WLS: variants seen among roughly 807,000 people sequenced by gnomAD.
WLS encodes the protein Wnt ligand secretion mediator.
Under a neutral mutation model 62.8 loss-of-function variants are expected in WLS, and 23 were observed. That is an observed-to-expected ratio of 0.37 (90% confidence interval 0.26 to 0.52). The LOEUF (loss-of-function observed/expected upper bound fraction) is 0.52. Ranked by LOEUF, WLS falls within the 20% of genes least tolerant of loss-of-function variation. The pLI is 0.92. For synonymous variants in WLS, 246 were observed against 244.1 expected, an observed-to-expected ratio of 1.01 and a Z score of -0.07; for missense variants, 615 against 697.3, an observed-to-expected ratio of 0.88 and a Z score of 1.33.
intron 2 of WLS, among the ~76,000 whole-genome samples, chr1:68,175,196 G>T (rs1447913744): frequency 6.6e-6 from 1 of 152,174 alleles, no homozygotes; most frequent in Non-Finnish European, 1.5e-5. Flanking sequence ...ATTTTTAAAA[G>T]AAATAAAACA....
intron 2 of WLS, among the ~76,000 whole-genome samples, chr1:68,163,710 G>A (rs1647020848): frequency 6.6e-6 from 1 of 151,798 alleles, no homozygotes; most frequent in East Asian, 1.9e-4. Flanking sequence ...ATGAAAATGG[G>A]CACAATTTTA....
At chr1:68,113,262 AAG>A (rs1289754845) in intron 11 of WLS, among the ~76,000 whole-genome samples, 4 of 152,202 alleles carry the variant, frequency 2.6e-5, no homozygotes, top group Non-Finnish European at 4.4e-5. Context: ...GAGTTTGAGA[AAG>A]AGATGCTTTG....
intron 10 of WLS, among the ~76,000 whole-genome samples, chr1:68,142,142 TC>T (rs1332154532): frequency 6.6e-6 from 1 of 152,234 alleles, no homozygotes; most frequent in Non-Finnish European, 1.5e-5. Flanking sequence ...CAAGGTTAAA[TC>T]CTGGCAACAT....
chr1:68,193,435 A>C (rs917798667), intron 2 of WLS, among the ~76,000 whole-genome samples: 57 of 136,440 alleles, frequency 4.2e-4, no homozygotes, highest in Admixed American at 8.9e-4. Context: ...AAAAAAAAAA[A>C]AAAAAAACGA....
At chr1:68,135,612 A>C (rs1249453740) in intron 11 of WLS, among the ~76,000 whole-genome samples, 1 of 152,170 alleles carries the variant, frequency 6.6e-6, no homozygotes, top group African/African-American at 2.4e-5. Flanking sequence ...GTACTTGATA[A>C]TTATTTCCCA....
chr1:68,226,452 T>C (rs1650145026), intron 1 of WLS, among the ~76,000 whole-genome samples: 1 of 152,216 alleles, frequency 6.6e-6, no homozygotes, highest in Non-Finnish European at 1.5e-5. Flanking sequence ...GCACATTCAA[T>C]ACATGTTAAA....
At chr1:68,206,498 A>T (rs945529852) in intron 1 of WLS, among the ~76,000 whole-genome samples, 2 of 152,202 alleles carry the variant, frequency 1.3e-5, no homozygotes, top group African/African-American at 4.8e-5. Context: ...AGGGCATTTG[A>T]GCACCGGGTA....
rs1446351819 is a variant in WLS, at chr1:68,125,718, C to T, written c.*508G>A. The T allele has an allele frequency of 2.4e-5, 24 of 986,076 alleles. No individual in the cohort carries two copies. The highest frequency in any genetic ancestry group is 2.9e-5 in the Non-Finnish European group (24 of 830,484). 61.1% of individuals were successfully genotyped at this position (986,076 alleles called of 1,614,324 possible). ...TCTATTGACAACTTAAATATTAACT[C>T]AGTGGGCTACCTGGTGATATAAATA... On this transcript the variant is annotated 3_prime_UTR_variant, in exon 12 of 12. Coordinates refer to ENST00000262348, the MANE Select transcript of WLS (RefSeq NM_024911.7).
chr1:68,203,538 A>G (rs1327246561), intron 1 of WLS, among the ~76,000 whole-genome samples: 3 of 152,236 alleles, frequency 2.0e-5, no homozygotes, highest in African/African-American at 7.2e-5. Context: ...TAAGACTTCC[A>G]TAAAGAAATG....
At chr1:68,113,219 G>A (rs570614334) in intron 11 of WLS, among the ~76,000 whole-genome samples, 2 of 152,314 alleles carry the variant, frequency 1.3e-5, no homozygotes, top group East Asian at 1.9e-4. Flanking sequence ...TATAGGTGGA[G>A]GCCTTATAGA....
At chr1:68,229,260 C>A (rs150806330) in intron 1 of WLS, among the ~76,000 whole-genome samples, 1 of 152,058 alleles carries the variant, frequency 6.6e-6, no homozygotes, top group African/African-American at 2.4e-5. Flanking sequence ...AGTACTCACA[C>A]CCTTACAAAC....
intron 11 of WLS, among the ~76,000 whole-genome samples, chr1:68,137,286 G>A (rs1646624487): frequency 6.6e-6 from 1 of 152,150 alleles, no homozygotes; most frequent in Non-Finnish European, 1.5e-5. Context: ...GAAGAACTGG[G>A]GACAGGAGAA....
intron 2 of WLS, among the ~76,000 whole-genome samples, chr1:68,175,820 T>C (rs1647234612): frequency 6.6e-6 from 1 of 152,126 alleles, no homozygotes; most frequent in Admixed American, 6.5e-5. Context: ...AGCATGACTA[T>C]ACAAGGAGAA....
At chr1:68,227,501 A>G (rs1266113475) in intron 1 of WLS, among the ~76,000 whole-genome samples, 1 of 151,726 alleles carries the variant, frequency 6.6e-6, no homozygotes, top group Non-Finnish European at 1.5e-5. Context: ...TAAGTCAAAT[A>G]TTGTAATTTC....
At chr1:68,165,296 G>A (rs1192398172) in intron 2 of WLS, among the ~76,000 whole-genome samples, 1 of 151,936 alleles carries the variant, frequency 6.6e-6, no homozygotes, top group Non-Finnish European at 1.5e-5. Flanking sequence ...ACTTTTAAAG[G>A]GTCCCACACT....
intron 2 of WLS, among the ~76,000 whole-genome samples, chr1:68,165,315 G>T (rs774470797): frequency 6.6e-6 from 1 of 152,050 alleles, no homozygotes; most frequent in Non-Finnish European, 1.5e-5. Context: ...CTTTTAAAGG[G>T]TCCCACTCTG....
chr1:68,217,439 A>G (rs1381561662), intron 1 of WLS, among the ~76,000 whole-genome samples: 1 of 152,168 alleles, frequency 6.6e-6, no homozygotes, highest in Non-Finnish European at 1.5e-5. Context: ...AGGAATAAAC[A>G]AGCTAATTTA....
At chr1:68,231,616 G>A (rs1399981037) in intron 1 of WLS, 1 of 403,538 alleles carries the variant, frequency 2.5e-6, no homozygotes, top group African/African-American at 2.0e-5. Flanking sequence ...GGGGTGGAGT[G>A]CGGCGGGAAA....
chr1:68,148,767 C>G, intron 6 of WLS, 107 bp from the exon 7 acceptor site: 1 of 942,700 alleles, frequency 1.1e-6, no homozygotes, highest in Non-Finnish European at 1.6e-6. Flanking sequence ...TATTGTGTAT[C>G]AAGCACTATG....
Sources: allele counts gnomAD v4.1 joint callset (sites outside exome capture counted in the v4.1 genomes callset), GRCh38; gene constraint gnomAD v4.1.1; transcripts MANE v1.5; gene names NCBI Gene and HGNC (gene_info 2026-07-23, HGNC 2026-07-21).